SAG: variants seen among roughly 807,000 people sequenced by gnomAD.
SAG encodes the protein S-antigen visual arrestin.
Under a neutral mutation model 55.0 loss-of-function variants are expected in SAG, and 45 were observed. The observed-to-expected ratio is 0.82, with a 90% confidence interval of 0.64 to 1.05. The LOEUF (loss-of-function observed/expected upper bound fraction) is 1.05, where lower values mean the gene tolerates loss of function less well. Ranked by LOEUF, SAG falls within the 50% of genes least tolerant of loss-of-function variation. SAG has a pLI of 0.00. For missense variants in SAG, 455 were observed against 512.1 expected (o/e 0.89, Z 1.08); for synonymous variants, 189 against 197.4 (o/e 0.96, Z 0.36).
chr2:233,338,623 T>C, intron 11 of SAG, 53 bp from the exon 12 acceptor site: 1 of 1,514,372 alleles, frequency 6.6e-7, no homozygotes. Flanking sequence ...GCCCATCTGC[T>C]CTTCACCCTC....
chr2:233,317,141 C>T (rs1324519708), intron 3 of SAG, among the ~76,000 whole-genome samples: 3 of 152,316 alleles, frequency 2.0e-5, no homozygotes, highest in South Asian at 2.1e-4. Flanking sequence ...AGATTACAGG[C>T]GTGAGCCACT....
intron 11 of SAG, among the ~76,000 whole-genome samples, chr2:233,336,608 A>G (rs1700939276): frequency 6.6e-6 from 1 of 152,142 alleles, no homozygotes; most frequent in Non-Finnish European, 1.5e-5. Flanking sequence ...TTTTATGGGT[A>G]AGGAAATTGA....
At position 233,320,718 on chromosome 2, in the gene SAG, C is replaced by T. The variant is rs1335836031; in HGVS notation, c.270C>T (p.Ser90=). The change falls in exon 5 of 16, where the codon TCC becomes TCT. Residue 90 remains serine (S), a synonymous_variant. Transcript: ENST00000409110. Reference sequence around the variant, plus strand: ...CCTTCCGCAGGGACCTGTACTTCTCCCGGGTCCAGGTGTATCCTCCTGTGG... The same window carrying T: ...CCTTCCGCAGGGACCTGTACTTCTCTCGGGTCCAGGTGTATCCTCCTGTGG... The part of the protein sequence containing the change: ...GLTFRRDLYF[S]RVQVYPPVGA... 6.2e-7 allele frequency: 1 copy of T among 1,605,560 alleles called. No individual in the cohort carries two copies. The highest frequency in any genetic ancestry group is 8.5e-7 in the Non-Finnish European group (1 of 1,176,298).
chr2:233,339,754 C>A (rs1574953683), intron 12 of SAG, among the ~76,000 whole-genome samples: 1 of 152,014 alleles, frequency 6.6e-6, no homozygotes, highest in Admixed American at 6.6e-5. Context: ...ACCTCCACCT[C>A]CCAGGTTCAA....
intron 4 of SAG, chr2:233,320,057 G>A (rs983194835): frequency 1.2e-6 from 1 of 859,202 alleles, no homozygotes; most frequent in Admixed American, 6.2e-5. Context: ...CAGAAGTGGG[G>A]GTTTAGAGAA....
At chr2:233,329,460 CTCT>C (rs1646967003) in intron 8 of SAG, 30 bp from the exon 9 acceptor site, 2 of 1,346,406 alleles carry the variant, frequency 1.5e-6, no homozygotes, top group African/African-American at 1.4e-5. Context: ...CACATCTGTT[CTCT>C]TCTTCTGACC....
chr2:233,334,167 A>C (rs1700853279), intron 10 of SAG: 1 of 152,340 alleles, frequency 6.6e-6, no homozygotes, highest in Admixed American at 6.5e-5. Flanking sequence ...CCTGCTTGGT[A>C]TGGGGTTGAT....
chr2:233,311,247 C>T (rs1700068486), intron 2 of SAG, among the ~76,000 whole-genome samples: 1 of 152,178 alleles, frequency 6.6e-6, no homozygotes, highest in Admixed American at 6.5e-5. Flanking sequence ...CCCGACGCTG[C>T]CCTCTTCTTT....
At chr2:233,314,393 C>A (rs1195263984) in intron 2 of SAG, among the ~76,000 whole-genome samples, 1 of 152,100 alleles carries the variant, frequency 6.6e-6, no homozygotes, top group African/African-American at 2.4e-5. Flanking sequence ...AGGGCTGTGC[C>A]AGCCGCAGGC....
At chr2:233,339,540 T>G (rs1281160538) in intron 12 of SAG, among the ~76,000 whole-genome samples, 2 of 148,758 alleles carry the variant, frequency 1.3e-5, no homozygotes, top group Non-Finnish European at 3.0e-5. Flanking sequence ...GCATAGTGTT[T>G]TTTTTTTTTT....
In SAG at chr2:233,316,087, C is replaced by G. The variant is rs758926241; in HGVS notation, c.88C>G (p.Leu30Val). 5 of 1,594,060 alleles carry G rather than the reference C, an allele frequency of 3.1e-6. No homozygotes were observed. The South Asian group carries it at 4.5e-5, about 14-fold the overall frequency. ...GTTCTTCTTGCAGGTGACCATCTAC[C>G]TGGGGAACAGAGACTACATAGACCA... ...ISRDKSVTIY[L>V]GNRDYIDHVS... is the part of the protein sequence containing the mutation. Residue 30 changes from leucine to valine, a missense_variant, in exon 3 of 16, where the codon CTG becomes GTG. Leu to Val is a conservative substitution (Grantham distance 32). Coordinates refer to ENST00000409110, the MANE Select transcript of SAG (RefSeq NM_000541.5).
chr2:233,319,635 C>T lies in SAG; in HGVS notation c.181+840C>T. 2.0e-6 allele frequency: 2 copies of T among 986,208 alleles called. No individual in the cohort carries two copies. The highest frequency in any genetic ancestry group is 2.4e-6 in the Non-Finnish European group (2 of 830,550). The allele number at this position is 986,208 out of a possible 1,614,324, so 61.1% of individuals were successfully genotyped here. A position where few individuals can be genotyped will look rare whatever the true frequency, so the allele number is the denominator to read the frequency against. ...GGCCCCAAACGGCCCCCTCTGTCCTCTCCACCTTCCTCCTGGGTGCCCTGC... is the reference window on the plus strand; with the variant it reads ...GGCCCCAAACGGCCCCCTCTGTCCTTTCCACCTTCCTCCTGGGTGCCCTGC... On this transcript the variant is annotated intron_variant, in intron 4 of 15. Transcript: ENST00000409110. This position sits in a 1 kb window ranked among gnomAD's most constrained non-coding sequence, Gnocchi z 4.4.
intron 10 of SAG, chr2:233,332,903 T>A (rs1477087624): frequency 6.6e-6 from 1 of 152,224 alleles, no homozygotes; most frequent in African/African-American, 2.4e-5. Context: ...CCTCAGGTGA[T>A]CTGCCCACCT....
intron 11 of SAG, among the ~76,000 whole-genome samples, chr2:233,337,834 T>G (rs917018221): frequency 3.9e-5 from 6 of 152,228 alleles, no homozygotes; most frequent in African/African-American, 1.4e-4. Context: ...TTCCTGTTAT[T>G]GGACATCCTG....
chr2:233,318,712 C>G (rs771990301), intron 3 of SAG, 39 bp from the exon 4 acceptor site: 1 of 1,591,548 alleles, frequency 6.3e-7, no homozygotes, highest in Non-Finnish European at 8.6e-7. Context: ...TTTCTTTCAT[C>G]TTCTCCACCC....
chr2:233,338,513 C>T (rs2125348293), intron 11 of SAG, 163 bp from the exon 12 acceptor site: 3 of 647,150 alleles, frequency 4.6e-6, no homozygotes, highest in Non-Finnish European at 8.4e-6. Context: ...CCCATACCCA[C>T]TCCCCAAGTA....
intron 2 of SAG, among the ~76,000 whole-genome samples, chr2:233,311,460 G>T (rs540104879): frequency 2.0e-5 from 3 of 152,188 alleles, no homozygotes; most frequent in African/African-American, 7.2e-5. Context: ...CAAGCCAGAA[G>T]AATTAGATGA....
intron 2 of SAG, among the ~76,000 whole-genome samples, chr2:233,313,099 C>T (rs547693510): frequency 6.6e-6 from 1 of 152,316 alleles, no homozygotes; most frequent in African/African-American, 2.4e-5. Flanking sequence ...CAAGAGCACC[C>T]AGAACACAGT....
rs1305826986 is a variant in SAG, at chr2:233,320,815, C to T, written c.367C>T (p.Leu123Phe). ...KKLGSNTYPF[L>F]LTFPDYLPCS... ...GCTGGGGAGCAACACGTACCCCTTTCTCCTGACGGTGGGTGACTCCTCCGG... is the reference window on the plus strand; with the variant it reads ...GCTGGGGAGCAACACGTACCCCTTTTTCCTGACGGTGGGTGACTCCTCCGG... The change falls in exon 5 of 16, where the codon CTC becomes TTC. Residue 123 changes from leucine to phenylalanine, a missense_variant. By Grantham distance (22) the Leu-to-Phe change is conservative. Coordinates refer to ENST00000409110, the MANE Select transcript of SAG (RefSeq NM_000541.5). 1 of 1,590,110 alleles carries T rather than the reference C, an allele frequency of 6.3e-7. No individual in the cohort carries two copies.
Sources: allele counts gnomAD v4.1 joint callset (sites outside exome capture counted in the v4.1 genomes callset), GRCh38; gene constraint gnomAD v4.1.1; non-coding constraint Gnocchi (gnomAD v3.1); transcripts MANE v1.5; gene names NCBI Gene and HGNC (gene_info 2026-07-23, HGNC 2026-07-21).